Variants in TAF3 observed in about 807,000 individuals in gnomAD.
The protein encoded by TAF3 is TATA-box binding protein associated factor 3.
In TAF3, 7 loss-of-function variants were observed where a neutral mutation model predicts 80.6. That is an observed-to-expected ratio of 0.09 (90% CI 0.05 to 0.16). TAF3 has a LOEUF of 0.16. TAF3 is among the 10% of genes least tolerant of loss of function. The probability of loss-of-function intolerance (pLI) is 1.00; values close to 1 mark genes in which losing one functional copy is unlikely to be tolerated. For synonymous variants in TAF3, 444 were observed against 446.1 expected (o/e 1.00, Z 0.06); for missense variants, 921 against 1,140.2 (o/e 0.81, Z 2.77).
At chr10:7,999,512 A>G (rs7083651) in intron 4 of TAF3, among the ~76,000 whole-genome samples, 9,113 of 148,760 alleles carry the variant, frequency 0.061, 348 homozygotes, top group South Asian at 0.14. Flanking sequence ...GCTGGAGTGC[A>G]AAGGTGTGAT....
chr10:7,826,451 TTTGTTTTGTG>T (rs1412468008), intron 2 of TAF3, among the ~76,000 whole-genome samples: 3 of 151,994 alleles, frequency 2.0e-5, no homozygotes, highest in Non-Finnish European at 4.4e-5. Flanking sequence ...TTTTTTTTGT[TTTGTTTTGTG>T]TTGTTTTGAT....
chr10:7,966,506 T>A (rs994760143), intron 3 of TAF3, among the ~76,000 whole-genome samples: 1 of 152,206 alleles, frequency 6.6e-6, no homozygotes, highest in African/African-American at 2.4e-5. Context: ...CTTACCCAGC[T>A]TTGCTTTTCA....
chr10:7,930,164 G>A (rs182350766), intron 2 of TAF3, among the ~76,000 whole-genome samples: 24 of 152,184 alleles, frequency 1.6e-4, no homozygotes, highest in African/African-American at 4.8e-4. Context: ...GTGGTACTGC[G>A]CTCCAACCTG....
intron 2 of TAF3, among the ~76,000 whole-genome samples, chr10:7,852,091 C>G (rs542347940): frequency 1.2e-3 from 190 of 152,106 alleles, no homozygotes; most frequent in African/African-American, 4.3e-3. Context: ...GCCTTTCCCC[C>G]ACCATCTCCC....
At chr10:7,821,122 A>T (rs150718319) in intron 1 of TAF3, among the ~76,000 whole-genome samples, 17 of 152,334 alleles carry the variant, frequency 1.1e-4, no homozygotes, top group African/African-American at 4.1e-4. Flanking sequence ...GCAGCTCTTC[A>T]GTGTAAACCT....
chr10:7,936,039 G>C (rs1837916491), intron 2 of TAF3, among the ~76,000 whole-genome samples: 1 of 152,114 alleles, frequency 6.6e-6, no homozygotes, highest in South Asian at 2.1e-4. Context: ...GATAATCTAA[G>C]AGACACGGCG....
intron 2 of TAF3, among the ~76,000 whole-genome samples, chr10:7,854,828 A>T (rs1231679720): frequency 6.6e-6 from 1 of 152,172 alleles, no homozygotes; most frequent in African/African-American, 2.4e-5. Flanking sequence ...GCCATTTGGA[A>T]CATTTAGATT....
Position 7,863,656 on chromosome 10 carries a change from CAT to C in TAF3, c.409+39106_409+39107del, listed in dbSNP as rs1276032266. On this transcript the variant is annotated intron_variant, in intron 2 of 6. Transcript: ENST00000344293. ...ATATATATATATATATACACACACA[CAT>C]ATATATATACACACATATATATATA... 6.1e-4 allele frequency among the ~76,000 whole-genome samples: 53 copies of C among 87,428 alleles called. 5 individuals are homozygous for C. Among genetic ancestry groups the C allele is most frequent in the African/African-American group, 6.9e-4 (16 of 23,060 alleles). The allele number at this position is 87,428 out of a possible 152,430, so 57.4% of individuals were successfully genotyped here.
At chr10:7,820,907 C>T (rs969562168) in intron 1 of TAF3, among the ~76,000 whole-genome samples, 20 of 152,208 alleles carry the variant, frequency 1.3e-4, no homozygotes, top group African/African-American at 4.6e-4. Flanking sequence ...CTCTGGCCTC[C>T]GCTGCAGTGG....
rs534100921 is a variant in TAF3, at chr10:7,992,592, A to G, written c.2315+15269A>G. Among the ~76,000 whole-genome samples, 10 of 149,036 alleles carry G rather than the reference A, an allele frequency of 6.7e-5. No individual in the cohort carries two copies. The South Asian group carries it at 2.2e-3, about 33-fold the overall frequency. ...GTGAGTAAAATTTAGAAATGGAGAAATGTGAAGAAAAAAATAAAAGCAAAG... is the reference window on the plus strand; with the variant it reads ...GTGAGTAAAATTTAGAAATGGAGAAGTGTGAAGAAAAAAATAAAAGCAAAG... On this transcript the variant is annotated intron_variant, in intron 4 of 6. Coordinates refer to ENST00000344293, the MANE Select transcript of TAF3 (RefSeq NM_031923.4).
At chr10:7,916,330 G>C (rs1837712072) in intron 2 of TAF3, among the ~76,000 whole-genome samples, 1 of 152,212 alleles carries the variant, frequency 6.6e-6, no homozygotes, top group Non-Finnish European at 1.5e-5. Context: ...AAAGTAGAAT[G>C]AATCATGTAA....
intron 1 of TAF3, 73 bp downstream of exon 1, chr10:7,818,948 C>T: frequency 1.5e-6 from 2 of 1,316,978 alleles, no homozygotes; most frequent in Non-Finnish European, 1.9e-6. Flanking sequence ...CCCTGTCCCT[C>T]CGCGTCCCCG....
chr10:7,924,861 T>C (rs749359559), intron 2 of TAF3, among the ~76,000 whole-genome samples: 2 of 152,104 alleles, frequency 1.3e-5, no homozygotes, highest in Non-Finnish European at 2.9e-5. Context: ...CACAAACATG[T>C]TCATATCTCA....
Position 7,939,414 on chromosome 10 carries a change from C to T in TAF3, c.410-24506C>T, listed in dbSNP as rs568221213. 5.9e-5 allele frequency among the ~76,000 whole-genome samples: 9 copies of T among 152,248 alleles called. No homozygotes were observed. The South Asian group carries it at 1.0e-3, about 18-fold the overall frequency. ...AACATTTTAGAGCTAGATTATCTTA[C>T]AATGTAGCCCGCCAGTTAGCAAAGT... is the stretch of plus-strand genomic sequence containing the variant. On this transcript the variant is annotated intron_variant, in intron 2 of 6. Transcript: ENST00000344293.
intron 2 of TAF3, among the ~76,000 whole-genome samples, chr10:7,916,380 G>A (rs1315785535): frequency 6.6e-6 from 1 of 152,192 alleles, no homozygotes; most frequent in African/African-American, 2.4e-5. Flanking sequence ...ACTCATCAGC[G>A]TCACATGTAG....
intron 2 of TAF3, among the ~76,000 whole-genome samples, chr10:7,951,551 C>A (rs1838082441): frequency 6.6e-6 from 1 of 152,244 alleles, no homozygotes; most frequent in African/African-American, 2.4e-5. Flanking sequence ...GCCTCTGCTT[C>A]TGTCACATTT....
chr10:8,008,953 T>A, intron 4 of TAF3, 125 bp from the exon 5 acceptor site: 1 of 1,345,976 alleles, frequency 7.4e-7, no homozygotes. Context: ...GTTCTTGAGC[T>A]GCCTCTAGAC....
Position 7,823,974 on chromosome 10 carries a change from TTTA to T in TAF3, c.167-332_167-330del, listed in dbSNP as rs1202911872. On this transcript the variant is annotated intron_variant, in intron 1 of 6. Transcript: ENST00000344293. ...AAAAAAAAAAAAGACAAAACACTAT[TTTA>T]TTATTATTATTTTTGGGGCATTTTC... 3.9e-5 allele frequency among the ~76,000 whole-genome samples: 6 copies of T among 152,112 alleles called. No homozygotes were observed. The East Asian group carries it at 9.6e-4, about 24-fold the overall frequency.
intron 2 of TAF3, among the ~76,000 whole-genome samples, chr10:7,829,114 A>G (rs1836772986): frequency 1.3e-5 from 2 of 151,768 alleles, no homozygotes; most frequent in South Asian, 4.2e-4. Flanking sequence ...CTCAACTTAA[A>G]CTTGGTAAAG....
Sources: gnomAD v4.1 joint callset for allele counts (sites outside exome capture counted in the v4.1 genomes callset) on GRCh38, gnomAD v4.1.1 for gene constraint, MANE v1.5 for transcripts, NCBI Gene and HGNC (gene_info 2026-07-23, HGNC 2026-07-21) for gene names.